Variants in STAU2 observed in about 807,000 individuals in gnomAD.
STAU2 encodes the protein staufen double-stranded RNA binding protein 2.
In STAU2, 20 loss-of-function variants were observed where a neutral mutation model predicts 65.9. The ratio of observed to expected loss-of-function variants is 0.30; its 90% CI spans 0.21 to 0.44. The LOEUF is 0.44. Among genes scored for constraint, STAU2 ranks in the 20% least tolerant of loss-of-function variants. STAU2 has a pLI of 1.00. For synonymous variants in STAU2, 232 were observed against 233.9 expected (o/e 0.99, Z 0.07); for missense variants, 558 against 683.9 (o/e 0.82, Z 2.05).
At chr8:73,499,557 C>T (rs1821620697) in intron 13 of STAU2, among the ~76,000 whole-genome samples, 1 of 151,766 alleles carries the variant, frequency 6.6e-6, no homozygotes, top group Non-Finnish European at 1.5e-5. Flanking sequence ...ATTTGGCAAT[C>T]AGTAGGACAA....
At chr8:73,739,389 A>C (rs1563540564) in intron 2 of STAU2, among the ~76,000 whole-genome samples, 1 of 152,120 alleles carries the variant, frequency 6.6e-6, no homozygotes, top group East Asian at 1.9e-4. Flanking sequence ...AAATTATCTA[A>C]AGCAACAACA....
At chr8:73,639,421 C>A (rs942998632) in intron 6 of STAU2, among the ~76,000 whole-genome samples, 6 of 151,962 alleles carry the variant, frequency 3.9e-5, no homozygotes, top group Non-Finnish European at 7.4e-5. Flanking sequence ...ACCAAAACAT[C>A]TGGGAGATGA....
intron 9 of STAU2, among the ~76,000 whole-genome samples, chr8:73,604,809 C>T (rs1159957111): frequency 6.6e-6 from 1 of 152,036 alleles, no homozygotes; most frequent in Non-Finnish European, 1.5e-5. Flanking sequence ...GTAACAGAAA[C>T]TCTTATAAAA....
chr8:73,640,312 T>C (rs1024900007), intron 6 of STAU2, among the ~76,000 whole-genome samples: 2 of 151,894 alleles, frequency 1.3e-5, no homozygotes, highest in African/African-American at 4.8e-5. Context: ...CAGGGACAAA[T>C]AAGTGGAACT....
At chr8:73,687,027 G>T (rs1234472626) in intron 5 of STAU2, among the ~76,000 whole-genome samples, 6 of 149,172 alleles carry the variant, frequency 4.0e-5, no homozygotes, top group African/African-American at 1.2e-4. Flanking sequence ...TAAGTAGTGG[G>T]GACTACAGGC....
At chr8:73,709,340 T>C (rs955987855) in intron 3 of STAU2, among the ~76,000 whole-genome samples, 178 bp from the exon 4 acceptor site, 49 of 152,142 alleles carry the variant, frequency 3.2e-4, no homozygotes, top group African/African-American at 1.2e-3. Flanking sequence ...GTATCACATT[T>C]TAAACAATAA....
intron 13 of STAU2, among the ~76,000 whole-genome samples, chr8:73,480,285 T>C (rs957543476): frequency 6.6e-6 from 1 of 152,156 alleles, no homozygotes; most frequent in African/African-American, 2.4e-5. Flanking sequence ...CTCTCTGAGA[T>C]ACAATATTCC....
chr8:73,539,359 C>G (rs1806376286), intron 13 of STAU2, among the ~76,000 whole-genome samples: 1 of 152,042 alleles, frequency 6.6e-6, no homozygotes, highest in South Asian at 2.1e-4. Flanking sequence ...CCTATGCTAA[C>G]TATATTTGAG....
chr8:73,555,156 A>C (rs930618521), intron 12 of STAU2, among the ~76,000 whole-genome samples: 1 of 152,230 alleles, frequency 6.6e-6, no homozygotes, highest in African/African-American at 2.4e-5. Flanking sequence ...GGAAAGGAGA[A>C]GTGCTAAAAG....
At chr8:73,449,895 G>C (rs918082263) in intron 13 of STAU2, among the ~76,000 whole-genome samples, 1 of 152,212 alleles carries the variant, frequency 6.6e-6, no homozygotes, top group Non-Finnish European at 1.5e-5. Context: ...GTCACTATCT[G>C]GACCCAGCCC....
chr8:73,568,238 A>C (rs1205178247), intron 12 of STAU2, among the ~76,000 whole-genome samples: 4 of 152,256 alleles, frequency 2.6e-5, no homozygotes, highest in Admixed American at 6.5e-5. Context: ...ATTACAGACC[A>C]AGTACATCTT....
intron 13 of STAU2, among the ~76,000 whole-genome samples, chr8:73,432,881 G>A (rs1817406473): frequency 6.6e-6 from 1 of 152,192 alleles, no homozygotes; most frequent in Non-Finnish European, 1.5e-5. Flanking sequence ...GGTGGTCGGA[G>A]AGACACATAG....
intron 6 of STAU2, among the ~76,000 whole-genome samples, chr8:73,640,492 A>G (rs1814874041): frequency 1.3e-5 from 2 of 152,210 alleles, no homozygotes; most frequent in Admixed American, 6.5e-5. Context: ...TTTGCAGGCC[A>G]TAAGGTTTCT....
chr8:73,493,211 C>T (rs1330643472), intron 13 of STAU2, among the ~76,000 whole-genome samples: 1 of 151,414 alleles, frequency 6.6e-6, no homozygotes, highest in East Asian at 1.9e-4. Context: ...AAAATCTTCA[C>T]AAATTGAGAA....
intron 13 of STAU2, among the ~76,000 whole-genome samples, chr8:73,456,588 C>T (rs1271548080): frequency 2.0e-5 from 3 of 152,036 alleles, no homozygotes; most frequent in African/African-American, 4.8e-5. Flanking sequence ...GCAGAACAGT[C>T]CTGGTGTGGA....
In STAU2 at chr8:73,709,032, CTT is replaced by C. The variant is rs1235618443; in HGVS notation, c.112_113del (p.Lys38AspfsTer10). Reference sequence around the variant, plus strand: ...TCACCACCTCTCTTCATAACCTTACCTTTGAATGAGCAGGCCCTCTTTCATTC... The same window carrying C: ...TCACCACCTCTCTTCATAACCTTACCTGAATGAGCAGGCCCTCTTTCATTC... The part of the protein sequence containing the change: ...LLNERGPAHS[K>X]MFSVQLSLGE... On this transcript the variant is annotated frameshift_variant and splice_region_variant, in exon 4 of 15. Transcript: ENST00000524300. LOFTEE classifies it high-confidence loss of function. The C allele has an allele frequency of 6.6e-7, 1 of 1,519,858 alleles. No individual in the cohort carries two copies. The highest frequency in any genetic ancestry group is 2.0e-5 in the Admixed American group (1 of 49,060). The allele number at this position is 1,519,858 out of a possible 1,614,324, so 94.1% of individuals were successfully genotyped here. A position where few individuals can be genotyped will look rare whatever the true frequency, so the allele number is the denominator to read the frequency against.
At chr8:73,745,685 AT>A (rs1343217691) in intron 1 of STAU2, among the ~76,000 whole-genome samples, 1 of 152,210 alleles carries the variant, frequency 6.6e-6, no homozygotes, top group African/African-American at 2.4e-5. Context: ...CCTTTGGTAA[AT>A]TCCCAGGTCT....
chr8:73,582,718 A>G, intron 12 of STAU2, 52 bp downstream of exon 12: 1 of 1,551,842 alleles, frequency 6.4e-7, no homozygotes, highest in Non-Finnish European at 8.9e-7. Flanking sequence ...ACAGCTAGTC[A>G]CTGAGCCACT....
chr8:73,585,339 G>A (rs1487127237), intron 11 of STAU2, among the ~76,000 whole-genome samples: 1 of 152,158 alleles, frequency 6.6e-6, no homozygotes, highest in African/African-American at 2.4e-5. Flanking sequence ...AATTAGCCAG[G>A]CATGGTGGCC....
Sources: gnomAD v4.1 joint callset for allele counts (sites outside exome capture counted in the v4.1 genomes callset) on GRCh38, gnomAD v4.1.1 for gene constraint, MANE v1.5 for transcripts, NCBI Gene and HGNC (gene_info 2026-07-23, HGNC 2026-07-21) for gene names.